WWOX: variants seen among roughly 807,000 people sequenced by gnomAD.
The protein encoded by WWOX is WW domain containing oxidoreductase, also known as WW domain-containing oxidoreductase.
A neutral mutation model predicts 46.2 loss-of-function variants in WWOX; 69 were observed. The observed-to-expected ratio is 1.49, with a 90% CI of 1.23 to 1.82. The LOEUF is 1.82. WWOX is among the 40% of genes most tolerant of loss of function. WWOX has a pLI of 0.00. For synonymous variants in WWOX, 359 were observed against 202.6 expected (o/e 1.77, Z -6.56); for missense variants, 919 against 542.6 (o/e 1.69, Z -6.89).
At chr16:78,948,450 G>C (rs2045991618) in intron 8 of WWOX, among the ~76,000 whole-genome samples, 2 of 152,276 alleles carry the variant, frequency 1.3e-5, no homozygotes, top group Middle Eastern at 6.8e-3. Flanking sequence ...GAGTGAGCCA[G>C]AGGTCTGTCT....
chr16:78,539,885 A>G (rs1011431255), intron 8 of WWOX, among the ~76,000 whole-genome samples: 1 of 152,138 alleles, frequency 6.6e-6, no homozygotes, highest in Non-Finnish European at 1.5e-5. Context: ...CTCTCTTCAT[A>G]GATAGGATCA....
At chr16:78,869,985 T>TGACA (rs1286737496) in intron 8 of WWOX, among the ~76,000 whole-genome samples, 1 of 152,220 alleles carries the variant, frequency 6.6e-6, no homozygotes, top group East Asian at 1.9e-4. Flanking sequence ...GGAAGCTGAA[T>TGACA]GACACAGATC....
chr16:78,190,865 A>G (rs1400019682), intron 5 of WWOX, among the ~76,000 whole-genome samples: 1 of 152,082 alleles, frequency 6.6e-6, no homozygotes, highest in African/African-American at 2.4e-5. Context: ...GGTTCGCTAT[A>G]CTTTAGTTCC....
intron 8 of WWOX, among the ~76,000 whole-genome samples, chr16:79,087,418 C>T (rs1204733088): frequency 6.6e-6 from 1 of 152,164 alleles, no homozygotes; most frequent in African/African-American, 2.4e-5. Flanking sequence ...GTTTGAGAGT[C>T]ACATTGGGTG....
intron 8 of WWOX, among the ~76,000 whole-genome samples, chr16:78,638,680 GAT>G (rs1457969965): frequency 6.6e-6 from 1 of 152,208 alleles, no homozygotes; most frequent in Non-Finnish European, 1.5e-5. Context: ...TCAGAGGAGA[GAT>G]AGAGCACTTC....
intron 8 of WWOX, among the ~76,000 whole-genome samples, chr16:79,057,994 A>T (rs2048293843): frequency 6.6e-6 from 1 of 152,128 alleles, no homozygotes; most frequent in South Asian, 2.1e-4. Flanking sequence ...CAAGCTCACG[A>T]TGCTATTCTC....
At chr16:79,164,679 G>A (rs147181053) in intron 8 of WWOX, among the ~76,000 whole-genome samples, 447 of 152,250 alleles carry the variant, frequency 2.9e-3, no homozygotes, top group African/African-American at 0.01. Context: ...CGAAAGGGCC[G>A]CTCTGACAGC....
At chr16:78,616,767 A>G (rs1179414980) in intron 8 of WWOX, among the ~76,000 whole-genome samples, 2 of 151,966 alleles carry the variant, frequency 1.3e-5, no homozygotes, top group African/African-American at 2.4e-5. Context: ...AGACTCCATC[A>G]ACACTAATAA....
intron 5 of WWOX, among the ~76,000 whole-genome samples, chr16:78,323,944 G>C (rs1597483697): frequency 6.6e-6 from 1 of 152,160 alleles, no homozygotes; most frequent in Non-Finnish European, 1.5e-5. Context: ...CTGAGCAGCA[G>C]CTGGGTGCTG....
At chr16:78,884,932 A>G (rs1159569872) in intron 8 of WWOX, among the ~76,000 whole-genome samples, 2 of 152,178 alleles carry the variant, frequency 1.3e-5, no homozygotes, top group Non-Finnish European at 2.9e-5. Context: ...TGCTTTTCCC[A>G]TCAATTCATG....
intron 6 of WWOX, among the ~76,000 whole-genome samples, chr16:78,409,197 A>T (rs535149060): frequency 1.8e-4 from 28 of 152,186 alleles, no homozygotes; most frequent in East Asian, 7.7e-4. Context: ...CTATTGGTTT[A>T]AAAAAAATTT....
At chr16:78,698,622 G>C (rs565985250) in intron 8 of WWOX, among the ~76,000 whole-genome samples, 1 of 151,920 alleles carries the variant, frequency 6.6e-6, no homozygotes, top group African/African-American at 2.4e-5. Flanking sequence ...TTCTTATTTA[G>C]GAACTTTTCC....
At chr16:78,997,916 G>C (rs1216939931) in intron 8 of WWOX, among the ~76,000 whole-genome samples, 2 of 151,624 alleles carry the variant, frequency 1.3e-5, no homozygotes, top group Admixed American at 1.3e-4. Flanking sequence ...CACCCTTATT[G>C]CCTAGGCTGG....
chr16:78,976,559 G>C (rs1215645367), intron 8 of WWOX, among the ~76,000 whole-genome samples: 1 of 152,178 alleles, frequency 6.6e-6, no homozygotes, highest in African/African-American at 2.4e-5. Context: ...GCTTGATCTA[G>C]GTCTCAGCCT....
intron 8 of WWOX, among the ~76,000 whole-genome samples, chr16:78,963,173 C>A (rs1025195917): frequency 6.6e-6 from 1 of 152,142 alleles, no homozygotes; most frequent in Non-Finnish European, 1.5e-5. Flanking sequence ...TGATTCATTT[C>A]AAAATAAGTT....
At chr16:78,912,017 A>G (rs2045124827) in intron 8 of WWOX, among the ~76,000 whole-genome samples, 1 of 152,090 alleles carries the variant, frequency 6.6e-6, no homozygotes, top group Non-Finnish European at 1.5e-5. Flanking sequence ...ACAGTAGTCC[A>G]GTATATTGGC....
chr16:78,529,968 T>C (rs1229844430), intron 8 of WWOX, among the ~76,000 whole-genome samples: 1 of 152,154 alleles, frequency 6.6e-6, no homozygotes, highest in African/African-American at 2.4e-5. Context: ...CCCTGACCCC[T>C]TTGCAGGCAG....
Position 78,293,662 on chromosome 16 carries a change from A to T in WWOX, c.517-93198A>T, listed in dbSNP as rs143840034. On this transcript the variant is annotated intron_variant, in intron 5 of 8. Coordinates refer to ENST00000566780, the MANE Select transcript of WWOX (RefSeq NM_016373.4). ...TAGGACTTCATCCAAGCACAAAGAA[A>T]CCTTTGTTTTCATTCAAGACTTCCC... is the stretch of plus-strand genomic sequence containing the variant. Among the ~76,000 whole-genome samples, 15 of 152,002 alleles carry T rather than the reference A, an allele frequency of 9.9e-5. No homozygotes were observed. In the East Asian group the frequency reaches 2.7e-3, roughly 28 times the overall value.
In WWOX at chr16:78,109,154, C is replaced by T. The variant is rs193158480; in HGVS notation, c.173-624C>T. Among the ~76,000 whole-genome samples, 4 of 152,184 alleles carry T rather than the reference C, an allele frequency of 2.6e-5. No homozygotes were observed. The South Asian group carries it at 8.3e-4, about 32-fold the overall frequency. On this transcript the variant is annotated intron_variant, in intron 2 of 8. Coordinates refer to ENST00000566780, the MANE Select transcript of WWOX (RefSeq NM_016373.4). ...AATTTCGTAAAGATTACCATGACTT[C>T]TAGGTGATTCTGAGATAATGTATGA...
Sources: allele counts gnomAD v4.1 joint callset (sites outside exome capture counted in the v4.1 genomes callset), GRCh38; gene constraint gnomAD v4.1.1; transcripts MANE v1.5; gene names NCBI Gene and HGNC (gene_info 2026-07-23, HGNC 2026-07-21).